The following CADPS2 variants were observed in gnomAD, a reference collection of about 807,000 sequenced individuals.
CADPS2 encodes calcium dependent secretion activator 2.
CADPS2 carries 93 observed loss-of-function variants against 172.5 expected under a neutral mutation model. That is an observed-to-expected ratio of 0.54 (90% CI 0.46 to 0.64). The LOEUF (loss-of-function observed/expected upper bound fraction) is 0.64, where lower values mean the gene tolerates loss of function less well. Among genes scored for constraint, CADPS2 ranks in the 30% least tolerant of loss-of-function variants. The pLI, the probability that CADPS2 is intolerant of heterozygous loss-of-function variation, is 0.00. For missense variants in CADPS2, 1,420 were observed against 1,565.9 expected (o/e 0.91, Z 1.57); for synonymous variants, 546 against 555.2 (o/e 0.98, Z 0.23).
intron 2 of CADPS2, among the ~76,000 whole-genome samples, chr7:122,691,359 G>A (rs1406162910): frequency 6.6e-6 from 1 of 152,202 alleles, no homozygotes; most frequent in African/African-American, 2.4e-5. Context: ...CCACAGCTAG[G>A]ACTAAAAGCC....
intron 14 of CADPS2, among the ~76,000 whole-genome samples, chr7:122,467,788 T>C (rs2055355628): frequency 6.6e-6 from 1 of 152,306 alleles, no homozygotes; most frequent in East Asian, 1.9e-4. Context: ...CATATCAACC[T>C]AGAACTTTGC....
intron 27 of CADPS2, among the ~76,000 whole-genome samples, chr7:122,353,018 T>G (rs1248360746): frequency 6.6e-6 from 1 of 152,160 alleles, no homozygotes; most frequent in Non-Finnish European, 1.5e-5. Context: ...TGCTTTACAA[T>G]TCAAAGCACA....
chr7:122,813,025 C>G (rs1001422961), intron 1 of CADPS2, among the ~76,000 whole-genome samples: 1 of 152,122 alleles, frequency 6.6e-6, no homozygotes, highest in Non-Finnish European at 1.5e-5. Flanking sequence ...CAATATGGGA[C>G]ACAGCAGGAA....
intron 6 of CADPS2, among the ~76,000 whole-genome samples, chr7:122,598,294 T>C (rs1411897881): frequency 1.3e-5 from 2 of 151,812 alleles, no homozygotes; most frequent in East Asian, 1.9e-4. Flanking sequence ...AAAAGGAAAA[T>C]ACCCCCTATG....
chr7:122,341,926 C>T (rs2036844065), intron 28 of CADPS2, among the ~76,000 whole-genome samples: 1 of 152,102 alleles, frequency 6.6e-6, no homozygotes, highest in East Asian at 1.9e-4. Flanking sequence ...CATCATGGAC[C>T]TGCCATAACT....
intron 3 of CADPS2, among the ~76,000 whole-genome samples, chr7:122,632,244 CAGT>C (rs2076645969): frequency 6.6e-6 from 1 of 152,146 alleles, no homozygotes; most frequent in Non-Finnish European, 1.5e-5. Flanking sequence ...CTAGGTGTAA[CAGT>C]AGTTCTGTTT....
chr7:122,661,256 G>T (rs992503441), intron 3 of CADPS2, among the ~76,000 whole-genome samples: 1 of 152,110 alleles, frequency 6.6e-6, no homozygotes, highest in Non-Finnish European at 1.5e-5. Context: ...ATTTTTTATT[G>T]TTGTTCAGGC....
At chr7:122,687,713 T>C (rs956039516) in intron 2 of CADPS2, among the ~76,000 whole-genome samples, 1 of 152,204 alleles carries the variant, frequency 6.6e-6, no homozygotes, top group Admixed American at 6.5e-5. Context: ...TTACTCAGCC[T>C]GCTAAGCATT....
chr7:122,703,469 G>T (rs1184922559), intron 2 of CADPS2, among the ~76,000 whole-genome samples: 2 of 152,078 alleles, frequency 1.3e-5, no homozygotes, highest in African/African-American at 2.4e-5. Flanking sequence ...CACACCTAAA[G>T]ATCCAACACT....
In CADPS2 at chr7:122,439,859, C is replaced by G. The variant is rs571898061; in HGVS notation, c.2353-1395G>C. On this transcript the variant is annotated intron_variant, in intron 16 of 29. Transcript: ENST00000449022. The stretch of plus-strand genomic sequence containing the variant: ...ACCACGAACGTTACTATTATACTTC[C>G]CATGGCAACAAACTTTACATAACAA... 7.2e-5 allele frequency among the ~76,000 whole-genome samples: 11 copies of G among 152,068 alleles called. No individual in the cohort carries two copies. In the East Asian group the frequency reaches 2.1e-3, roughly 30 times the overall value.
intron 8 of CADPS2, among the ~76,000 whole-genome samples, chr7:122,541,776 T>G: frequency 7.0e-6 from 1 of 142,306 alleles, no homozygotes; most frequent in Admixed American, 7.3e-5. Context: ...TATATTCACA[T>G]ATATTCATAT....
chr7:122,880,383 C>T (rs1251119833), intron 1 of CADPS2, among the ~76,000 whole-genome samples: 2 of 152,156 alleles, frequency 1.3e-5, no homozygotes, highest in East Asian at 3.9e-4. Context: ...AATAAATATG[C>T]ACTAGCCTCT....
intron 1 of CADPS2, among the ~76,000 whole-genome samples, chr7:122,882,085 T>C (rs1823065775): frequency 6.6e-6 from 1 of 152,138 alleles, no homozygotes; most frequent in Non-Finnish European, 1.5e-5. Flanking sequence ...AGTTACAACA[T>C]TCAAATGAGC....
intron 9 of CADPS2, among the ~76,000 whole-genome samples, chr7:122,505,538 A>T (rs1280654921): frequency 6.6e-6 from 1 of 152,162 alleles, no homozygotes; most frequent in African/African-American, 2.4e-5. Flanking sequence ...AACTTCTTAA[A>T]TATTTTGTTT....
rs534276543 is a variant in CADPS2, at chr7:122,870,219, T to C, written c.339+15780A>G. ...TATATGCTTCCAAAAAGAGACTAGT[T>C]TCATCTCTAAGGACACATTCAGATT... On this transcript the variant is annotated intron_variant, in intron 1 of 29. Transcript: ENST00000449022. 5.3e-5 allele frequency among the ~76,000 whole-genome samples: 8 copies of C among 152,004 alleles called. No individual in the cohort carries two copies. The East Asian group carries it at 1.2e-3, about 22-fold the overall frequency.
chr7:122,625,986 G>A (rs932852112), intron 4 of CADPS2, among the ~76,000 whole-genome samples: 7 of 152,116 alleles, frequency 4.6e-5, no homozygotes, highest in Admixed American at 1.3e-4. Context: ...GTGGAAGTTC[G>A]CTGCAGGTGA....
intron 1 of CADPS2, among the ~76,000 whole-genome samples, chr7:122,763,369 A>G (rs1006849790): frequency 1.3e-5 from 2 of 152,172 alleles, no homozygotes; most frequent in Non-Finnish European, 2.9e-5. Context: ...CTACTCCACG[A>G]CAATAAGAAA....
intron 1 of CADPS2, among the ~76,000 whole-genome samples, chr7:122,806,786 TTATC>T (rs1458594560): frequency 6.6e-6 from 1 of 152,248 alleles, no homozygotes; most frequent in African/African-American, 2.4e-5. Flanking sequence ...TGTTAGCTTA[TTATC>T]TAAGGACAGA....
chr7:122,773,831 T>C (rs2093780713), intron 1 of CADPS2, among the ~76,000 whole-genome samples: 2 of 152,094 alleles, frequency 1.3e-5, no homozygotes, highest in South Asian at 4.1e-4. Context: ...AAATTACCTT[T>C]CACATTTTAA....
Sources: allele counts gnomAD v4.1 joint callset (sites outside exome capture counted in the v4.1 genomes callset), GRCh38; gene constraint gnomAD v4.1.1; transcripts MANE v1.5; gene names NCBI Gene and HGNC (gene_info 2026-07-23, HGNC 2026-07-21).